Variants in DNM3 observed in about 807,000 individuals in gnomAD.
The protein encoded by DNM3 is dynamin 3.
In DNM3, 47 loss-of-function variants were observed where a neutral mutation model predicts 101.6. That is an observed-to-expected ratio of 0.46 (90% confidence interval 0.37 to 0.59). The LOEUF (loss-of-function observed/expected upper bound fraction) is 0.59. Ranked by LOEUF, DNM3 falls within the 20% of genes least tolerant of loss-of-function variation. DNM3 has a pLI of 0.00. For synonymous variants in DNM3, 385 were observed against 387.9 expected (o/e 0.99, Z 0.09); for missense variants, 849 against 1,085.7 (o/e 0.78, Z 3.06).
chr1:172,200,602 C>A (rs2148482836), intron 14 of DNM3, among the ~76,000 whole-genome samples: 1 of 152,158 alleles, frequency 6.6e-6, no homozygotes, highest in African/African-American at 2.4e-5. Context: ...TTGTTCATCC[C>A]TTTTTATTCT....
intron 1 of DNM3, among the ~76,000 whole-genome samples, chr1:171,879,604 G>T (rs1210270191): frequency 6.6e-6 from 1 of 152,146 alleles, no homozygotes; most frequent in Non-Finnish European, 1.5e-5. Context: ...TCTAATCATT[G>T]GACTCTAGAC....
intron 18 of DNM3, among the ~76,000 whole-genome samples, chr1:172,386,346 G>A (rs1294914846): frequency 6.6e-5 from 10 of 152,020 alleles, no homozygotes; most frequent in Admixed American, 1.3e-4. Context: ...AGTAGCTGGC[G>A]TTCCCACTCT....
At position 172,408,611 on chromosome 1, in the gene DNM3, T is replaced by C; in HGVS notation, c.*770T>C. On this transcript the variant is annotated 3_prime_UTR_variant, in exon 21 of 21. Transcript: ENST00000627582. ...ACATCTCTAGAAGTGTTGGGAAAAA[T>C]ATAATTTCTTTCTTTACTTATATTC... 2 of 984,882 alleles carry C rather than the reference T, an allele frequency of 2.0e-6. No homozygotes were observed. The highest frequency in any genetic ancestry group is 2.4e-6 in the Non-Finnish European group (2 of 829,508). The allele number at this position is 984,882 out of a possible 1,614,324, so 61.0% of individuals were successfully genotyped here. A position where few individuals can be genotyped will look rare whatever the true frequency, so the allele number is the denominator to read the frequency against.
chr1:172,180,011 C>T (rs1040234861), intron 14 of DNM3, among the ~76,000 whole-genome samples: 3 of 151,786 alleles, frequency 2.0e-5, no homozygotes, highest in South Asian at 2.1e-4. Context: ...AATATCATAC[C>T]GTGTCTCTGA....
At chr1:172,085,158 A>G (rs1279622916) in intron 12 of DNM3, among the ~76,000 whole-genome samples, 5 of 151,858 alleles carry the variant, frequency 3.3e-5, no homozygotes, top group Non-Finnish European at 7.4e-5. Flanking sequence ...CAACTATAAT[A>G]TAGTTTCTGA....
At chr1:171,943,110 CA>C (rs199752457) in intron 2 of DNM3, among the ~76,000 whole-genome samples, 4 of 144,322 alleles carry the variant, frequency 2.8e-5, no homozygotes, top group Non-Finnish European at 4.6e-5. Context: ...AACACTGTCT[CA>C]AAAAAAAATA....
Position 172,361,856 on chromosome 1 carries a change from C to T in DNM3, c.1894-17162C>T, listed in dbSNP as rs550358791. Among the ~76,000 whole-genome samples, 13 of 152,072 alleles carry T rather than the reference C, an allele frequency of 8.5e-5. No individual in the cohort carries two copies. In the East Asian group the frequency reaches 1.6e-3, roughly 18 times the overall value. On this transcript the variant is annotated intron_variant, in intron 17 of 20. Coordinates refer to ENST00000627582, the MANE Select transcript of DNM3 (RefSeq NM_015569.5). ...TTTATGCTTTTTCTGTCCTTCCAAC[C>T]GTGAACGCTTAGTAAAAGAAAACTT... is the stretch of plus-strand genomic sequence containing the variant.
intron 4 of DNM3, among the ~76,000 whole-genome samples, chr1:171,990,788 T>G (rs1168101105): frequency 3.9e-5 from 6 of 152,120 alleles, no homozygotes; most frequent in Non-Finnish European, 2.9e-5. Context: ...GTTTTTTTCT[T>G]CTTGGTTTCC....
At chr1:172,328,339 G>T (rs1377009076) in intron 17 of DNM3, among the ~76,000 whole-genome samples, 1 of 152,032 alleles carries the variant, frequency 6.6e-6, no homozygotes, top group South Asian at 2.1e-4. Context: ...TAATGGAACT[G>T]GTTTAACACT....
intron 14 of DNM3, among the ~76,000 whole-genome samples, chr1:172,189,323 G>T (rs1359089092): frequency 1.3e-5 from 2 of 151,974 alleles, no homozygotes; most frequent in African/African-American, 4.8e-5. Context: ...TGAGTATTAT[G>T]TTGGCTATTC....
chr1:172,141,764 G>A (rs556075511), intron 14 of DNM3, among the ~76,000 whole-genome samples: 168 of 152,186 alleles, frequency 1.1e-3, no homozygotes, highest in Non-Finnish European at 1.4e-3. Flanking sequence ...CGAATGCCAA[G>A]CAGGAAGGAT....
intron 2 of DNM3, among the ~76,000 whole-genome samples, chr1:171,953,147 A>G (rs2042635344): frequency 6.6e-6 from 1 of 152,250 alleles, no homozygotes; most frequent in African/African-American, 2.4e-5. Context: ...ACTAACATCT[A>G]TGCCCTCACA....
intron 16 of DNM3, among the ~76,000 whole-genome samples, chr1:172,313,797 C>T (rs1047850664): frequency 1.7e-4 from 25 of 147,340 alleles, no homozygotes; most frequent in African/African-American, 6.6e-4. Context: ...TATTTATTTA[C>T]TTACTTATTT....
At chr1:172,014,396 C>A (rs1236696195) in intron 4 of DNM3, among the ~76,000 whole-genome samples, 2 of 152,076 alleles carry the variant, frequency 1.3e-5, no homozygotes, top group Non-Finnish European at 2.9e-5. Context: ...AGTGGCTATA[C>A]CATTTTGCAT....
chr1:171,844,617 A>G (rs2031787245), intron 1 of DNM3, among the ~76,000 whole-genome samples: 1 of 152,246 alleles, frequency 6.6e-6, no homozygotes, highest in Non-Finnish European at 1.5e-5. Context: ...ATGAGTCATG[A>G]ATGAACCACT....
At chr1:172,216,124 G>T (rs904069508) in intron 14 of DNM3, among the ~76,000 whole-genome samples, 20 of 151,656 alleles carry the variant, frequency 1.3e-4, no homozygotes, top group Non-Finnish European at 7.4e-5. Flanking sequence ...ACAGAATCAA[G>T]AAATTTACCA....
At chr1:171,962,568 G>T (rs79734876) in intron 2 of DNM3, among the ~76,000 whole-genome samples, 2 of 152,088 alleles carry the variant, frequency 1.3e-5, no homozygotes, top group Non-Finnish European at 2.9e-5. Context: ...TCGGTTCCTG[G>T]TGAGGCCCCT....
intron 13 of DNM3, among the ~76,000 whole-genome samples, chr1:172,117,383 G>A (rs61807762): frequency 0.23 from 34,497 of 151,918 alleles, 4,292 homozygotes; most frequent in Non-Finnish European, 0.28. Flanking sequence ...GAATTCCCAC[G>A]TGTGGTGGGA....
chr1:172,409,346 C>T lies in DNM3; in HGVS notation c.*1505C>T. The T allele has an allele frequency of 3.0e-6, 3 of 985,080 alleles. No homozygotes were observed. Among genetic ancestry groups the T allele is most frequent in the South Asian group, 4.7e-5 (1 of 21,286 alleles). The allele number at this position is 985,080 out of a possible 1,614,324, so 61.0% of individuals were successfully genotyped here. On this transcript the variant is annotated 3_prime_UTR_variant, in exon 21 of 21. Transcript: ENST00000627582. ...ACTTTAATTTCCTGTGTAGTTTACA[C>T]CCAGAGCAGATACTCATAAAGTATA...
Sources: gnomAD v4.1 joint callset for allele counts (sites outside exome capture counted in the v4.1 genomes callset) on GRCh38, gnomAD v4.1.1 for gene constraint, MANE v1.5 for transcripts, NCBI Gene and HGNC (gene_info 2026-07-23, HGNC 2026-07-21) for gene names.